TBX15: variants seen among roughly 807,000 people sequenced by gnomAD.
TBX15 encodes T-box transcription factor TBX15.
A neutral mutation model predicts 53.9 loss-of-function variants in TBX15; 18 were observed. The observed-to-expected ratio is 0.33, with a 90% CI of 0.23 to 0.49. The LOEUF is 0.49. TBX15 is among the 20% of genes least tolerant of loss of function. The pLI is 0.98. For missense variants in TBX15, 692 were observed against 749.5 expected (o/e 0.92, Z 0.90); for synonymous variants, 295 against 278.0 (o/e 1.06, Z -0.61).
At chr1:118,939,417 AAAAAAAAAAAAAAAAAAAAC>A (rs1390135980) in intron 1 of TBX15, among the ~76,000 whole-genome samples, 1,619 of 114,728 alleles carry the variant, frequency 0.014, 100 homozygotes, top group Non-Finnish European at 0.015. Flanking sequence ...CAAAAAAAAA[AAAAAAAAAAAAAAAAAAAAC>A]AAAAACAGGA....
chr1:118,987,693 A>G lies in TBX15; in HGVS notation c.103T>C (p.Trp35Arg), dbSNP rs1380435751. ...GSNKKRKLRD[W>R]EEKGLDLSME... is the part of the protein sequence containing the mutation. ...GACAGGTCCAGCCCCTTCTCCTCCC[A>G]GTCTCGCAGTTTCCGTTTTTTATTT... The change falls in exon 1 of 8, where the codon TGG becomes CGG. Residue 35 changes from tryptophan to arginine, a missense_variant. Around this residue, in one of 3 missense-constraint regions of TBX15, gnomAD observed 307 missense variants for 347.5 expected, o/e 0.88. Transcript: ENST00000369429. 1.3e-6 allele frequency: 2 copies of G among 1,550,322 alleles called. No homozygotes were observed. The highest frequency in any genetic ancestry group is 2.0e-5 in the Admixed American group (1 of 51,002).
intron 1 of TBX15, among the ~76,000 whole-genome samples, chr1:118,936,463 TG>T (rs1204783904): frequency 2.0e-5 from 3 of 152,130 alleles, no homozygotes. Context: ...TGATCAGCAG[TG>T]GGATCTTTAA....
At chr1:118,961,948 C>T (rs1337192526) in intron 1 of TBX15, among the ~76,000 whole-genome samples, 2 of 152,196 alleles carry the variant, frequency 1.3e-5, no homozygotes, top group Admixed American at 1.3e-4. Context: ...TTTGGTCTTC[C>T]TACAACCCAA....
chr1:118,898,970 A>C (rs1228325001), intron 7 of TBX15, 58 bp downstream of exon 7: 4 of 1,553,826 alleles, frequency 2.6e-6, no homozygotes, highest in Non-Finnish European at 3.5e-6. Context: ...TATTCGGTTG[A>C]GCTCCCACTC....
intron 1 of TBX15, among the ~76,000 whole-genome samples, chr1:118,969,169 AG>A (rs1657150609): frequency 6.6e-6 from 1 of 152,218 alleles, no homozygotes. Context: ...CTGAGCTCAA[AG>A]GATAGACCTC....
intron 2 of TBX15, among the ~76,000 whole-genome samples, chr1:118,927,432 C>G (rs1655635965): frequency 6.6e-6 from 1 of 152,120 alleles, no homozygotes; most frequent in African/African-American, 2.4e-5. Context: ...AATAACCACT[C>G]TAAAAATAGT....
At chr1:118,970,689 C>A (rs192040340) in intron 1 of TBX15, among the ~76,000 whole-genome samples, 1 of 152,190 alleles carries the variant, frequency 6.6e-6, no homozygotes, top group Non-Finnish European at 1.5e-5. Flanking sequence ...TGGATCTCTG[C>A]GGCTGACTCT....
chr1:118,890,941 T>G (rs140166224), intron 7 of TBX15: 1 of 1,304,044 alleles, frequency 7.7e-7, no homozygotes, highest in Non-Finnish European at 1.0e-6. Flanking sequence ...ATTCACTGTG[T>G]ATCCTTGAGA....
At chr1:118,902,765 A>T (rs544346734) in intron 6 of TBX15, among the ~76,000 whole-genome samples, 1 of 152,238 alleles carries the variant, frequency 6.6e-6, no homozygotes, top group African/African-American at 2.4e-5. Flanking sequence ...TTCACCTCCC[A>T]TCTTTTCTTT....
chr1:118,986,132 C>G lies in TBX15; in HGVS notation c.205+1459G>C, dbSNP rs558595663. On this transcript the variant is annotated intron_variant, in intron 1 of 7. Transcript: ENST00000369429. ...TAAAAGAACCTTACAAATTCTAAGG[C>G]GTCATAACCCCTGCAAGAACTTCTA... Among the ~76,000 whole-genome samples, 11 of 152,276 alleles carry G rather than the reference C, an allele frequency of 7.2e-5. No individual in the cohort carries two copies. In the East Asian group the frequency reaches 1.9e-3, roughly 27 times the overall value.
At chr1:118,964,949 G>T (rs1463238372) in intron 1 of TBX15, among the ~76,000 whole-genome samples, 2 of 152,240 alleles carry the variant, frequency 1.3e-5, no homozygotes, top group African/African-American at 4.8e-5. Context: ...GTTGTAACAG[G>T]GTGTTCATTT....
At chr1:118,976,518 A>G (rs1657442451) in intron 1 of TBX15, among the ~76,000 whole-genome samples, 2 of 152,192 alleles carry the variant, frequency 1.3e-5, no homozygotes, top group South Asian at 4.1e-4. Context: ...AAACTAACCA[A>G]AGAGAAACAT....
chr1:118,970,814 A>G (rs1046119020), intron 1 of TBX15, among the ~76,000 whole-genome samples: 2 of 152,036 alleles, frequency 1.3e-5, no homozygotes, highest in African/African-American at 2.4e-5. Flanking sequence ...TCTCCTGACA[A>G]TCTACCTTCC....
At chr1:118,974,439 T>G (rs1657352034) in intron 1 of TBX15, among the ~76,000 whole-genome samples, 1 of 152,106 alleles carries the variant, frequency 6.6e-6, no homozygotes, top group South Asian at 2.1e-4. Context: ...AATGCTAAAA[T>G]CCACGCACCA....
chr1:118,969,907 A>T (rs925299262), intron 1 of TBX15, among the ~76,000 whole-genome samples: 1 of 152,210 alleles, frequency 6.6e-6, no homozygotes, highest in Non-Finnish European at 1.5e-5. Context: ...CCCAAATGTC[A>T]TGTTGTTTTG....
At chr1:118,926,799 G>A (rs1338814125) in intron 2 of TBX15, among the ~76,000 whole-genome samples, 188 bp from the exon 3 acceptor site, 5 of 152,090 alleles carry the variant, frequency 3.3e-5, no homozygotes, top group African/African-American at 1.2e-4. Flanking sequence ...TCCACCTCCC[G>A]AGTTCAAGGG....
chr1:118,924,445 T>C (rs891555608), intron 4 of TBX15, among the ~76,000 whole-genome samples: 7 of 152,220 alleles, frequency 4.6e-5, no homozygotes, highest in Non-Finnish European at 1.0e-4. Context: ...ACTTGATGTA[T>C]AACAGATGTT....
At chr1:118,925,455 C>A (rs980845059) in intron 3 of TBX15, among the ~76,000 whole-genome samples, 1 of 152,108 alleles carries the variant, frequency 6.6e-6, no homozygotes, top group South Asian at 2.1e-4. Context: ...TTTGATGAAC[C>A]CGTTTTGAAC....
chr1:118,902,767 C>G (rs1003415492), intron 6 of TBX15, among the ~76,000 whole-genome samples: 1 of 152,120 alleles, frequency 6.6e-6, no homozygotes, highest in African/African-American at 2.4e-5. Context: ...CACCTCCCAT[C>G]TTTTCTTTTG....
Sources: allele counts gnomAD v4.1 joint callset (sites outside exome capture counted in the v4.1 genomes callset), GRCh38; gene constraint gnomAD v4.1.1; regional missense constraint gnomAD v4.1.1; transcripts MANE v1.5; gene names NCBI Gene and HGNC (gene_info 2026-07-23, HGNC 2026-07-21).